The following KIF20B variants were observed in gnomAD, a reference collection of about 807,000 sequenced individuals.
KIF20B encodes the protein kinesin-like protein KIF20B.
Under a neutral mutation model 232.5 loss-of-function variants are expected in KIF20B, and 188 were observed. The ratio of observed to expected loss-of-function variants is 0.81; its 90% CI spans 0.72 to 0.91. KIF20B has a LOEUF of 0.91. Ranked by LOEUF, KIF20B falls within the 40% of genes least tolerant of loss-of-function variation. KIF20B has a pLI of 0.00. For synonymous variants in KIF20B, 712 were observed against 683.0 expected, an observed-to-expected ratio of 1.04 and a Z score of -0.66; for missense variants, 2,154 against 2,055.9, an observed-to-expected ratio of 1.05 and a Z score of -0.92.
Position 89,710,215 on chromosome 10 carries a change from G to GTTTT in KIF20B, c.490+162_490+165dup, listed in dbSNP as rs10672232. 323 of 283,196 alleles carry GTTTT rather than the reference G, an allele frequency of 1.1e-3. 1 individual carries two copies. The highest frequency in any genetic ancestry group is 4.7e-3 in the Middle Eastern group (4 of 854). 17.5% of individuals were successfully genotyped at this position (283,196 alleles called of 1,614,324 possible). A position where few individuals can be genotyped will look rare whatever the true frequency, so the allele number is the denominator to read the frequency against. On this transcript the variant is annotated intron_variant, in intron 5 of 32. Coordinates refer to ENST00000371728, the MANE Select transcript of KIF20B (RefSeq NM_001284259.2). ...TACTAGCATATTATTACGTATTGCTGTTTTTTTTTTTTTTTGGCGGGGGAG... is the reference window on the plus strand; with the variant it reads ...TACTAGCATATTATTACGTATTGCTGTTTTTTTTTTTTTTTTTTTGGCGGGGGAG...
At chr10:89,739,201 T>G (rs879654869) in intron 21 of KIF20B, 105 bp downstream of exon 21, 1 of 1,231,804 alleles carries the variant, frequency 8.1e-7, no homozygotes, top group Non-Finnish European at 1.1e-6. Flanking sequence ...ATTTATCCAC[T>G]TTATAATTTT....
chr10:89,709,116 G>T, intron 2 of KIF20B, 51 bp from the exon 3 acceptor site: 1 of 1,324,054 alleles, frequency 7.6e-7, no homozygotes, highest in South Asian at 1.2e-5. Flanking sequence ...AATGGTCTCT[G>T]AAAAGCCGTA....
At chr10:89,719,273 G>T (rs1842998359) in intron 12 of KIF20B, 146 bp from the exon 13 acceptor site, 1 of 576,190 alleles carries the variant, frequency 1.7e-6, no homozygotes, top group Admixed American at 3.5e-5. Flanking sequence ...TTCTTTTAGG[G>T]ATGGTGATTC....
intron 20 of KIF20B, among the ~76,000 whole-genome samples, 162 bp downstream of exon 20, chr10:89,738,779 T>C (rs2133129497): frequency 6.6e-6 from 1 of 152,280 alleles, no homozygotes; most frequent in Non-Finnish European, 1.5e-5. Context: ...GACCATAGGT[T>C]ATGTGAAAAG....
At position 89,709,246 on chromosome 10, in the gene KIF20B, A is replaced by G; in HGVS notation, c.227A>G (p.Glu76Gly). ...RPFTQSEKEL[E>G]SEGCVHILDS... ...TTTACACAGTCAGAAAAAGAACTTG[A>G]GTCTGAGGTTTGTGTTGAATTTAAT... is the stretch of plus-strand genomic sequence containing the variant. Residue 76 changes from glutamate to glycine, a missense_variant, in exon 3 of 33, where the codon GAG becomes GGG. Physicochemically the swap from Glu to Gly is moderately conservative, Grantham distance 98. Transcript: ENST00000371728. The G allele has an allele frequency of 1.2e-6, 2 of 1,606,876 alleles. No homozygotes were observed. Among genetic ancestry groups the G allele is most frequent in the East Asian group, 2.2e-5 (1 of 44,772 alleles).
rs1471547988 is a variant in KIF20B, at chr10:89,772,759, T to G, written c.5313T>G (p.Ser1771=). 1 of 1,610,490 alleles carries G rather than the reference T, an allele frequency of 6.2e-7. No homozygotes were observed. Among genetic ancestry groups the G allele is most frequent in the East Asian group, 2.2e-5 (1 of 44,666 alleles). The part of the protein sequence containing the change: ...SNVEASKENV[S]QPKRAKRKLY... ...TAGAAGCAAGTAAAGAAAATGTGTC[T>G]CAACCAAAACGAGCCAAACGGAAAT... Residue 1771 remains serine (S), a synonymous_variant, in exon 32 of 33, where the codon TCT becomes TCG. Transcript: ENST00000371728.
rs754551079 is a variant in KIF20B, at chr10:89,724,009, G to GA, written c.1775dup (p.Glu593GlyfsTer8). The stretch of plus-strand genomic sequence containing the variant: ...AGACTTGAAAAAAAAACTGATAAAT[G>GA]AAAAAAAGGAAAAATTAACCTTGGA... On this transcript the variant is annotated frameshift_variant, in exon 14 of 33. Transcript: ENST00000371728. LOFTEE classifies it high-confidence loss of function. 1.1e-5 allele frequency: 17 copies of GA among 1,581,762 alleles called. No individual in the cohort carries two copies. The highest frequency in any genetic ancestry group is 1.4e-5 in the African/African-American group (1 of 72,718).
chr10:89,769,436 C>T (rs758874442), intron 31 of KIF20B, among the ~76,000 whole-genome samples: 28 of 151,634 alleles, frequency 1.8e-4, no homozygotes, highest in Admixed American at 1.1e-3. Context: ...CAAAACAGAA[C>T]AAAAACAACA....
Position 89,738,075 on chromosome 10 carries a change from T to A in KIF20B, c.3234T>A (p.Ile1078=), listed in dbSNP as rs1035596859. Residue 1078 remains isoleucine (I), a synonymous_variant, in exon 20 of 33, where the codon ATT becomes ATA. Coordinates refer to ENST00000371728, the MANE Select transcript of KIF20B (RefSeq NM_001284259.2). ...CCTCTTCCAAAAAAAGTCATCAGAT[T>A]GAGGAACTGGAACAACAAATTGAAA... ...VKASSKKSHQ[I]EELEQQIEKL... is the part of the protein sequence containing the mutation. 3.1e-6 allele frequency: 5 copies of A among 1,612,940 alleles called. No individual in the cohort carries two copies. The African/African-American group carries it at 6.7e-5, about 22-fold the overall frequency.
At chr10:89,758,920 A>G (rs369776379) in intron 27 of KIF20B, 38 bp downstream of exon 27, 50 of 1,270,736 alleles carry the variant, frequency 3.9e-5, no homozygotes, top group Non-Finnish European at 2.6e-5. Flanking sequence ...TTAATTGAAC[A>G]TAGTAATTAC....
At chr10:89,760,369 A>T (rs77098818) in intron 27 of KIF20B, among the ~76,000 whole-genome samples, 157 bp from the exon 28 acceptor site, 1 of 152,132 alleles carries the variant, frequency 6.6e-6, no homozygotes, top group Non-Finnish European at 1.5e-5. Flanking sequence ...GTTGAAAGAG[A>T]AATAGGAGGG....
chr10:89,753,145 T>TTGTG (rs1053045698), intron 25 of KIF20B, among the ~76,000 whole-genome samples: 2 of 152,140 alleles, frequency 1.3e-5, no homozygotes, highest in South Asian at 4.1e-4. Flanking sequence ...GTATTCTATT[T>TTGTG]TGTGTGTGTG....
chr10:89,764,982 C>T (rs546848036), intron 29 of KIF20B, among the ~76,000 whole-genome samples: 30 of 151,452 alleles, frequency 2.0e-4, no homozygotes, highest in African/African-American at 7.3e-4. Flanking sequence ...ATGCCTATGT[C>T]CTGAATGGTA....
In KIF20B at chr10:89,719,485, G is replaced by T. The variant is rs1214403238; in HGVS notation, c.1501G>T (p.Asp501Tyr). Residue 501 changes from aspartate to tyrosine, a missense_variant, in exon 13 of 33, where the codon GAT (aspartate) becomes TAT (tyrosine). Coordinates refer to ENST00000371728, the MANE Select transcript of KIF20B (RefSeq NM_001284259.2). Reference protein sequence around the residue: ...KLFGPVKSSQDVSLDSNSNSK... With the variant: ...KLFGPVKSSQYVSLDSNSNSK... ...ATTTGGACCTGTCAAATCTTCTCAA[G>T]ATGTATCACTAGACAGTAATTCAAA... 3.1e-6 allele frequency: 5 copies of T among 1,606,904 alleles called. No individual in the cohort carries two copies. The highest frequency in any genetic ancestry group is 4.3e-6 in the Non-Finnish European group (5 of 1,175,558).
In KIF20B at chr10:89,763,057, G is replaced by A. The variant is rs917427806; in HGVS notation, c.4989+222G>A. Among the ~76,000 whole-genome samples the A allele has an allele frequency of 1.4e-4, 21 of 152,020 alleles. 1 individual carries two copies. Among genetic ancestry groups the A allele is most frequent in the Admixed American group, 1.1e-3 (17 of 15,258 alleles). On this transcript the variant is annotated intron_variant, in intron 29 of 32. Transcript: ENST00000371728. ...AGCACTTTGGGAGGCTGGGGCTGGC[G>A]GATCACTTGAGGTCACGAATTCAAG...
At chr10:89,725,620 TTTAGAG>T (rs1843168060) in intron 15 of KIF20B, among the ~76,000 whole-genome samples, 1 of 152,140 alleles carries the variant, frequency 6.6e-6, no homozygotes, top group Non-Finnish European at 1.5e-5. Flanking sequence ...TTATTATAGT[TTTAGAG>T]TTAGGGTCTT....
chr10:89,731,647 G>C (rs1843321704), intron 18 of KIF20B, among the ~76,000 whole-genome samples: 1 of 152,124 alleles, frequency 6.6e-6, no homozygotes, highest in Admixed American at 6.6e-5. Context: ...TTTTTGGTGA[G>C]GATTGTATAT....
intron 17 of KIF20B, among the ~76,000 whole-genome samples, chr10:89,728,793 G>C (rs1417093495): frequency 1.3e-5 from 2 of 151,574 alleles, no homozygotes; most frequent in Non-Finnish European, 2.9e-5. Flanking sequence ...TTACAGGCAT[G>C]AGCCACTGTG....
rs183949744 is a variant in KIF20B, at chr10:89,754,820, A to G, written c.4503+147A>G. On this transcript the variant is annotated intron_variant, in intron 26 of 32. Coordinates refer to ENST00000371728, the MANE Select transcript of KIF20B (RefSeq NM_001284259.2). ...TCTTTATAAGATAACTTCTGAGCCA[A>G]TTTATCTTGACATTCACTAATGTTC... The G allele has an allele frequency of 1.5e-3, 791 of 521,408 alleles. 1 individual carries two copies. Among genetic ancestry groups the G allele is most frequent in the Middle Eastern group, 2.2e-3 (5 of 2,236 alleles). 32.3% of individuals were successfully genotyped at this position (521,408 alleles called of 1,614,324 possible). A position where few individuals can be genotyped will look rare whatever the true frequency, so the allele number is the denominator to read the frequency against.
Sources: gnomAD v4.1 joint callset for allele counts (sites outside exome capture counted in the v4.1 genomes callset) on GRCh38, gnomAD v4.1.1 for gene constraint, MANE v1.5 for transcripts, NCBI Gene and HGNC (gene_info 2026-07-23, HGNC 2026-07-21) for gene names.